The following CADPS2 variants were observed in gnomAD, a reference collection of about 807,000 sequenced individuals.
CADPS2 encodes calcium-dependent secretion activator 2.
CADPS2 carries 93 observed loss-of-function variants against 172.5 expected under a neutral mutation model. The ratio of observed to expected loss-of-function variants is 0.54; its 90% CI spans 0.46 to 0.64. CADPS2 has a LOEUF of 0.64. Ranked by LOEUF, CADPS2 falls within the 30% of genes least tolerant of loss-of-function variation. The pLI is 0.00. For synonymous variants in CADPS2, 546 were observed against 555.2 expected, an observed-to-expected ratio of 0.98 and a Z score of 0.23; for missense variants, 1,420 against 1,565.9, an observed-to-expected ratio of 0.91 and a Z score of 1.57.
chr7:122,538,353 T>C (rs1198722711), intron 8 of CADPS2, among the ~76,000 whole-genome samples: 1 of 147,414 alleles, frequency 6.8e-6, no homozygotes, highest in Admixed American at 6.7e-5. Context: ...GAAGCTTAAT[T>C]AGGTTTTTTG....
At chr7:122,365,003 G>C (rs1283874781) in intron 25 of CADPS2, among the ~76,000 whole-genome samples, 1 of 152,174 alleles carries the variant, frequency 6.6e-6, no homozygotes, top group East Asian at 1.9e-4. Context: ...CACAGGAGCT[G>C]AGCCAAAGGA....
At chr7:122,361,904 T>G (rs960726486) in intron 25 of CADPS2, among the ~76,000 whole-genome samples, 1 of 151,790 alleles carries the variant, frequency 6.6e-6, no homozygotes, top group Non-Finnish European at 1.5e-5. Context: ...AGAAACCCCG[T>G]CTCTACTAAA....
chr7:122,679,589 C>G (rs552330901), intron 2 of CADPS2, among the ~76,000 whole-genome samples: 1 of 152,248 alleles, frequency 6.6e-6, no homozygotes, highest in South Asian at 2.1e-4. Flanking sequence ...CATGTGATCT[C>G]TGTGACCCAC....
intron 5 of CADPS2, among the ~76,000 whole-genome samples, chr7:122,618,400 G>A (rs899682643): frequency 3.3e-5 from 5 of 151,750 alleles, no homozygotes; most frequent in African/African-American, 1.2e-4. Context: ...TTCTAGTAGA[G>A]AAAGCCAGCT....
At chr7:122,588,201 A>G (rs1193846707) in intron 6 of CADPS2, among the ~76,000 whole-genome samples, 1 of 152,042 alleles carries the variant, frequency 6.6e-6, no homozygotes, top group Non-Finnish European at 1.5e-5. Flanking sequence ...GCTGTGCAGA[A>G]GCTCTTTAGT....
At position 122,702,411 on chromosome 7, in the gene CADPS2, G is replaced by C. The variant is rs1271699526; in HGVS notation, c.453+34544C>G. ...TTCTCTGCTGCCACGTTGATTTTAT[G>C]TGTAAAAGTACAGCCTCCACGTTCG... is the stretch of plus-strand genomic sequence containing the variant. On this transcript the variant is annotated intron_variant, in intron 2 of 29. Transcript: ENST00000449022. 10 of 1,613,628 alleles carry C rather than the reference G, an allele frequency of 6.2e-6. No homozygotes were observed. Among genetic ancestry groups the C allele is most frequent in the Non-Finnish European group, 8.5e-6 (10 of 1,179,738 alleles).
At chr7:122,610,944 G>A (rs1412890274) in intron 6 of CADPS2, among the ~76,000 whole-genome samples, 1 of 152,096 alleles carries the variant, frequency 6.6e-6, no homozygotes, top group East Asian at 1.9e-4. Context: ...ATTCCCTGCA[G>A]CTAAGAATCT....
At chr7:122,567,717 A>T (rs1426046537) in intron 7 of CADPS2, among the ~76,000 whole-genome samples, 2 of 152,126 alleles carry the variant, frequency 1.3e-5, no homozygotes, top group Non-Finnish European at 2.9e-5. Context: ...ATAATATTGT[A>T]AGGTTCTTAA....
At position 122,702,356 on chromosome 7, in the gene CADPS2, T is replaced by C. The variant is rs200171193; in HGVS notation, c.453+34599A>G. 184 of 1,613,836 alleles carry C rather than the reference T, an allele frequency of 1.1e-4. 1 individual carries two copies. Among genetic ancestry groups the C allele is most frequent in the Admixed American group, 6.8e-4 (41 of 60,004 alleles). On this transcript the variant is annotated intron_variant, in intron 2 of 29. Coordinates refer to ENST00000449022, the MANE Select transcript of CADPS2 (RefSeq NM_017954.11). Reference sequence around the variant, plus strand: ...AAATACTTTACTGCCCGTACCTTGATAGTTGTAGATGATCACCCCATTTGC... The same window carrying C: ...AAATACTTTACTGCCCGTACCTTGACAGTTGTAGATGATCACCCCATTTGC...
At chr7:122,566,767 C>T (rs1032201099) in intron 7 of CADPS2, among the ~76,000 whole-genome samples, 12 of 152,160 alleles carry the variant, frequency 7.9e-5, no homozygotes, top group Non-Finnish European at 1.2e-4. Flanking sequence ...GGATATCAGG[C>T]ATCCAAACAA....
chr7:122,702,416 A>G, intron 2 of CADPS2: 1 of 1,613,708 alleles, frequency 6.2e-7, no homozygotes, highest in East Asian at 2.2e-5. Flanking sequence ...TTTATGTGTA[A>G]AAGTACAGCC....
At chr7:122,728,415 C>T (rs76304357) in intron 2 of CADPS2, among the ~76,000 whole-genome samples, 1 of 151,648 alleles carries the variant, frequency 6.6e-6, no homozygotes, top group African/African-American at 2.4e-5. Context: ...GGAATGATAC[C>T]AATCTGATAG....
rs556741808 is a variant in CADPS2, at chr7:122,813,651, G to C, written c.339+72348C>G. On this transcript the variant is annotated intron_variant, in intron 1 of 29. Transcript: ENST00000449022. ...GGAAATGCATGGAGGCTGCAAAGGG[G>C]CATTCTGACAATTTCATTGCATAAA... Among the ~76,000 whole-genome samples the C allele has an allele frequency of 3.2e-4, 48 of 152,160 alleles. 1 individual carries two copies. The highest frequency in any genetic ancestry group is 2.7e-3 in the Admixed American group (41 of 15,288).
At chr7:122,584,990 C>T (rs1408391552) in intron 6 of CADPS2, among the ~76,000 whole-genome samples, 2 of 151,644 alleles carry the variant, frequency 1.3e-5, no homozygotes, top group Admixed American at 6.6e-5. Flanking sequence ...TATTTATGGC[C>T]GGAGGTTCTA....
chr7:122,853,123 C>T (rs947780528), intron 1 of CADPS2, among the ~76,000 whole-genome samples: 2 of 152,220 alleles, frequency 1.3e-5, no homozygotes, highest in Non-Finnish European at 2.9e-5. Context: ...ATCTATTCTC[C>T]TCCCTCCTAT....
chr7:122,569,923 AAAAC>A (rs1263378752), intron 7 of CADPS2, among the ~76,000 whole-genome samples: 354 of 146,186 alleles, frequency 2.4e-3, no homozygotes, highest in Non-Finnish European at 4.4e-3. Flanking sequence ...TAAAACCATA[AAAAC>A]CCTAGAAGAA....
chr7:122,466,404 C>T (rs2055144141), intron 14 of CADPS2, among the ~76,000 whole-genome samples: 1 of 152,186 alleles, frequency 6.6e-6, no homozygotes, highest in Non-Finnish European at 1.5e-5. Flanking sequence ...CTTTGCCACT[C>T]CCCTCTGGGG....
intron 8 of CADPS2, among the ~76,000 whole-genome samples, chr7:122,541,800 T>C (rs4645496): frequency 2.7e-5 from 3 of 111,824 alleles, no homozygotes; most frequent in African/African-American, 8.8e-5. Context: ...TATATATTCA[T>C]ATATATTTAT....
intron 1 of CADPS2, among the ~76,000 whole-genome samples, chr7:122,745,707 A>G (rs1221717495): frequency 6.6e-6 from 1 of 151,676 alleles, no homozygotes; most frequent in Non-Finnish European, 1.5e-5. Flanking sequence ...AAGTAAGGGA[A>G]AGCAAATATC....
Sources: gnomAD v4.1 joint callset for allele counts (sites outside exome capture counted in the v4.1 genomes callset) on GRCh38, gnomAD v4.1.1 for gene constraint, MANE v1.5 for transcripts, NCBI Gene and HGNC (gene_info 2026-07-23, HGNC 2026-07-21) for gene names.